PHLDB2: variants seen among roughly 807,000 people sequenced by gnomAD.
The protein encoded by PHLDB2 is pleckstrin homology like domain family B member 2.
In PHLDB2, 71 loss-of-function variants were observed where a neutral mutation model predicts 123.6. That is an observed-to-expected ratio of 0.57 (90% CI 0.47 to 0.70). The LOEUF (loss-of-function observed/expected upper bound fraction) is 0.70. PHLDB2 is among the 30% of genes least tolerant of loss of function. The pLI is 0.00. For missense variants in PHLDB2, 1,446 were observed against 1,519.5 expected (o/e 0.95, Z 0.80); for synonymous variants, 547 against 541.6 (o/e 1.01, Z -0.14).
chr3:111,883,463 T>A (rs866788198), intron 1 of PHLDB2, among the ~76,000 whole-genome samples: 1 of 152,242 alleles, frequency 6.6e-6, no homozygotes, highest in South Asian at 2.1e-4. Flanking sequence ...AATACCCTTT[T>A]CTTTGTTATT....
At chr3:111,818,912 T>C (rs1254240987) in intron 1 of PHLDB2, among the ~76,000 whole-genome samples, 2 of 152,210 alleles carry the variant, frequency 1.3e-5, no homozygotes, top group Admixed American at 1.3e-4. Context: ...AAATTTCATG[T>C]CCACCTGTCC....
intron 8 of PHLDB2, among the ~76,000 whole-genome samples, chr3:111,944,349 C>G (rs1374065423): frequency 6.7e-6 from 1 of 149,500 alleles, no homozygotes; most frequent in Non-Finnish European, 1.5e-5. Context: ...TACTTAAGAT[C>G]TATGCATTTC....
chr3:111,918,847 A>G (rs185706009), intron 3 of PHLDB2, among the ~76,000 whole-genome samples: 1 of 152,332 alleles, frequency 6.6e-6, no homozygotes, highest in East Asian at 1.9e-4. Flanking sequence ...GAATTGGTGA[A>G]CTGAAGTTGG....
At chr3:111,739,843 A>G (rs1257986520) in intron 1 of PHLDB2, among the ~76,000 whole-genome samples, 1 of 152,040 alleles carries the variant, frequency 6.6e-6, no homozygotes, top group Non-Finnish European at 1.5e-5. Flanking sequence ...GCCCCGAACC[A>G]AAAAGGCAGG....
upstream of PHLDB2, among the ~76,000 whole-genome samples, chr3:111,855,011 A>T (rs540944423): frequency 3.3e-5 from 5 of 152,338 alleles, no homozygotes; most frequent in South Asian, 1.0e-3. Flanking sequence ...GATTTAAGGT[A>T]TCAGTAGATA....
intron 1 of PHLDB2, among the ~76,000 whole-genome samples, chr3:111,765,059 C>T (rs2060057101): frequency 6.6e-6 from 1 of 152,166 alleles, no homozygotes; most frequent in African/African-American, 2.4e-5. Flanking sequence ...TTCCAGTTTG[C>T]CTTTGTTAAT....
intron 4 of PHLDB2, among the ~76,000 whole-genome samples, chr3:111,919,917 A>T (rs895518678): frequency 6.5e-5 from 9 of 137,632 alleles, no homozygotes; most frequent in Non-Finnish European, 1.1e-4. Context: ...GGCTTGGGTA[A>T]CTTTCTCTTC....
Position 111,884,758 on chromosome 3 carries a change from G to A in PHLDB2, c.681G>A (p.Lys227=). ...TTCAACCCAAGTTAACTAGACACAAGGAGCTTGCATCTGAAAACATCAATT... is the reference window on the plus strand; with the variant it reads ...TTCAACCCAAGTTAACTAGACACAAAGAGCTTGCATCTGAAAACATCAATT... ...LALQPKLTRH[K]ELASENINLR... The change falls in exon 2 of 18, where the codon AAG becomes AAA. Residue 227 remains lysine (K), a synonymous_variant. Coordinates refer to ENST00000431670, the MANE Select transcript of PHLDB2 (RefSeq NM_001134438.2). 6.2e-7 allele frequency: 1 copy of A among 1,614,042 alleles called. No homozygotes were observed. Among genetic ancestry groups the A allele is most frequent in the Non-Finnish European group, 8.5e-7 (1 of 1,180,014 alleles).
chr3:111,862,864 C>A (rs1449843211), intron 1 of PHLDB2, among the ~76,000 whole-genome samples: 1 of 152,128 alleles, frequency 6.6e-6, no homozygotes, highest in Non-Finnish European at 1.5e-5. Context: ...TCTACCCCTT[C>A]TTTTTATAGA....
chr3:111,816,016 T>C (rs931402057), intron 1 of PHLDB2, among the ~76,000 whole-genome samples: 1 of 152,210 alleles, frequency 6.6e-6, no homozygotes, highest in Non-Finnish European at 1.5e-5. Context: ...CCCCAAGCCT[T>C]AGCAGCTTCC....
intron 1 of PHLDB2, among the ~76,000 whole-genome samples, chr3:111,830,515 A>G (rs2062897862): frequency 6.6e-6 from 1 of 151,090 alleles, no homozygotes; most frequent in Non-Finnish European, 1.5e-5. Context: ...GGCAAAAAAA[A>G]AAAAAAAAAA....
At chr3:111,967,879 T>G in intron 15 of PHLDB2, 55 bp downstream of exon 15, 1 of 1,490,568 alleles carries the variant, frequency 6.7e-7, no homozygotes, top group South Asian at 1.3e-5. Context: ...TGGCAGTTCC[T>G]AGAAGACAGC....
exon 1 of PHLDB2, chr3:111,732,580 C>A (rs1941535198): frequency 1.3e-6 from 2 of 1,492,418 alleles, no homozygotes; most frequent in African/African-American, 1.4e-5. Context: ...AAGGAGAAAC[C>A]TGTGTTAATG....
At chr3:111,783,433 AAAAAT>A (rs1255493648) in intron 1 of PHLDB2, among the ~76,000 whole-genome samples, 2 of 152,154 alleles carry the variant, frequency 1.3e-5, no homozygotes, top group African/African-American at 2.4e-5. Flanking sequence ...GCTTGGAGAA[AAAAAT>A]AAAATAAAAT....
rs1209328648 is a variant in PHLDB2 at position 111,967,849 on chromosome 3, A to G, written c.3315+25A>G. On this transcript the variant is annotated intron_variant, in intron 15 of 17. Coordinates refer to ENST00000431670, the MANE Select transcript of PHLDB2 (RefSeq NM_001134438.2). ...GGTTGGTCGGTCAATCTGAATGCAT[A>G]TGGGCAGGTTGCCCCCTGGTGGCAG... The G allele has an allele frequency of 1.9e-5, 30 of 1,585,294 alleles. 1 individual carries two copies. The highest frequency in any genetic ancestry group is 1.3e-4 in the Admixed American group (7 of 53,914).
At chr3:111,753,210 T>C (rs1312601362) in intron 1 of PHLDB2, among the ~76,000 whole-genome samples, 4 of 147,772 alleles carry the variant, frequency 2.7e-5, no homozygotes, top group Admixed American at 6.8e-5. Flanking sequence ...TCTAGATCCC[T>C]GAGGAATCGC....
chr3:111,926,387 A>G (rs991596232), intron 5 of PHLDB2, among the ~76,000 whole-genome samples: 9 of 152,184 alleles, frequency 5.9e-5, no homozygotes, highest in African/African-American at 2.2e-4. Context: ...TGAGTGCAGA[A>G]CAGGTGCCAA....
At chr3:111,846,601 G>A (rs565090123) in intron 2 of PHLDB2, among the ~76,000 whole-genome samples, 1 of 152,122 alleles carries the variant, frequency 6.6e-6, no homozygotes, top group Non-Finnish European at 1.5e-5. Context: ...TGTATTAAGG[G>A]AGGGCAATTC....
At position 111,884,421 on chromosome 3, in the gene PHLDB2, C is replaced by T. The variant is rs147674379; in HGVS notation, c.344C>T (p.Thr115Ile). Residue 115 changes from threonine (T) to isoleucine (I), a missense_variant, in exon 2 of 18, where the codon ACA becomes ATA. This residue lies in a region of PHLDB2 where 832 missense variants were observed against 831.9 expected (regional missense o/e 1.00). Transcript: ENST00000431670. ...CCTCCAACTCCTTTACTCAACACTACATCCTCCCTCAGTGGATATCCACTT... is the reference window on the plus strand; with the variant it reads ...CCTCCAACTCCTTTACTCAACACTATATCCTCCCTCAGTGGATATCCACTT... ...MKPPTPLLNT[T>I]SSLSGYPLGR... The T allele has an allele frequency of 1.5e-5, 24 of 1,614,082 alleles. No homozygotes were observed. The highest frequency in any genetic ancestry group is 1.4e-5 in the Non-Finnish European group (17 of 1,180,032).
Sources: gnomAD v4.1 joint callset for allele counts (sites outside exome capture counted in the v4.1 genomes callset) on GRCh38, gnomAD v4.1.1 for gene constraint, gnomAD v4.1.1 regional missense constraint, MANE v1.5 for transcripts, NCBI Gene and HGNC (gene_info 2026-07-23, HGNC 2026-07-21) for gene names.